Variants in MME observed in about 807,000 individuals in gnomAD.
The protein encoded by MME is neprilysin.
In MME, 98 loss-of-function variants were observed where a neutral mutation model predicts 113.2. That is an observed-to-expected ratio of 0.87 (90% confidence interval 0.74 to 1.02). The LOEUF is 1.02. MME is among the 50% of genes least tolerant of loss of function. The pLI is 0.00. For synonymous variants in MME, 292 were observed against 300.6 expected, an observed-to-expected ratio of 0.97 and a Z score of 0.30; for missense variants, 836 against 896.0, an observed-to-expected ratio of 0.93 and a Z score of 0.86.
rs61760406 is a variant in MME at position 155,172,133 on chromosome 3, T to C, written c.1997T>C (p.Ile666Thr). 6.2e-7 allele frequency: 1 copy of C among 1,603,518 alleles called. No individual in the cohort carries two copies. Among genetic ancestry groups the C allele is most frequent in the Non-Finnish European group, 8.5e-7 (1 of 1,170,738 alleles). The change falls in exon 21 of 23, where the codon ATT becomes ACT. Residue 666 changes from isoleucine (I) to threonine (T), a missense_variant. By Grantham distance (89) the Ile-to-Thr change is moderately conservative. Coordinates refer to ENST00000360490, the MANE Select transcript of MME (RefSeq NM_007289.4). ...GQAYRAYQNY[I>T]KKNGEEKLLP... ...ACTGCCTAGGCCTATCAGAATTATA[T>C]TAAAAAGAATGGCGAAGAAAAATTA...
At chr3:155,085,932 T>C (rs1473812900) in intron 3 of MME, among the ~76,000 whole-genome samples, 1 of 152,124 alleles carries the variant, frequency 6.6e-6, no homozygotes, top group African/African-American at 2.4e-5. Context: ...TATTGAGAAG[T>C]AGTAAAAGTG....
intron 1 of MME, among the ~76,000 whole-genome samples, chr3:155,049,625 GTATATCTA>G (rs1713685150): frequency 1.5e-5 from 2 of 134,874 alleles, no homozygotes; most frequent in South Asian, 2.5e-4. Context: ...TATCATCTTA[GTATATCTA>G]TCTATCTATC....
chr3:155,122,347 G>A (rs1719225926), intron 8 of MME, among the ~76,000 whole-genome samples: 1 of 145,768 alleles, frequency 6.9e-6, no homozygotes. Flanking sequence ...TATCAATTTT[G>A]TTGATCCTTT....
intron 10 of MME, among the ~76,000 whole-genome samples, chr3:155,141,137 G>A (rs928652111): frequency 6.4e-4 from 97 of 152,256 alleles, no homozygotes; most frequent in East Asian, 2.3e-3. Context: ...CACATTCAGC[G>A]ATGACATTCT....
At chr3:155,100,189 T>G (rs1389787936) in intron 3 of MME, among the ~76,000 whole-genome samples, 1 of 151,788 alleles carries the variant, frequency 6.6e-6, no homozygotes, top group Non-Finnish European at 1.5e-5. Context: ...TACAAAGAAC[T>G]CCAACAAATT....
At chr3:155,057,523 T>C (rs561628118) in intron 1 of MME, among the ~76,000 whole-genome samples, 133 of 152,078 alleles carry the variant, frequency 8.7e-4, no homozygotes, top group Middle Eastern at 3.4e-3. Flanking sequence ...TCAATTGGTT[T>C]AGATGATTGT....
chr3:155,140,759 AG>A (rs1721015476), intron 10 of MME, among the ~76,000 whole-genome samples: 1 of 152,132 alleles, frequency 6.6e-6, no homozygotes, highest in Admixed American at 6.6e-5. Context: ...TCCCATAGGA[AG>A]GGGTTTGAAA....
intron 4 of MME, 142 bp from the exon 5 acceptor site, chr3:155,116,337 A>G: frequency 1.5e-6 from 1 of 672,222 alleles, no homozygotes; most frequent in Non-Finnish European, 2.7e-6. Flanking sequence ...GGGGGGAGGA[A>G]ATGAATGTAC....
chr3:155,169,982 A>T (rs1247203777), intron 20 of MME, among the ~76,000 whole-genome samples: 1 of 152,158 alleles, frequency 6.6e-6, no homozygotes, highest in African/African-American at 2.4e-5. Flanking sequence ...AGTTCCAGGG[A>T]CATGGGAGAT....
intron 18 of MME, among the ~76,000 whole-genome samples, chr3:155,167,574 C>T (rs192127091): frequency 4.6e-5 from 7 of 151,776 alleles, no homozygotes; most frequent in African/African-American, 1.7e-4. Flanking sequence ...GGAATAAAGA[C>T]GTGAAATATG....
At chr3:155,081,098 T>A (rs1246754375) in intron 1 of MME, 1 of 152,222 alleles carries the variant, frequency 6.6e-6, no homozygotes, top group African/African-American at 2.4e-5. Context: ...TGTCCTCAGC[T>A]TCTGCAGACA....
upstream of MME, among the ~76,000 whole-genome samples, chr3:155,075,073 A>G (rs1714702303): frequency 6.7e-6 from 1 of 149,766 alleles, no homozygotes; most frequent in African/African-American, 2.5e-5. Flanking sequence ...ACCCATTAAC[A>G]TGGGTGATTT....
In MME at chr3:155,172,172, A is replaced by G. The variant is rs752230705; in HGVS notation, c.2036A>G (p.Asp679Gly). 1 of 1,612,066 alleles carries G rather than the reference A, an allele frequency of 6.2e-7. No individual in the cohort carries two copies. The highest frequency in any genetic ancestry group is 1.1e-5 in the South Asian group (1 of 91,032). ...NGEEKLLPGL[D>G]LNHKQLFFLN... Reference sequence around the variant, plus strand: ...GAAGAAAAATTACTTCCTGGACTTGACCTAAATCACAAACAACTATTTTTC... The same window carrying G: ...GAAGAAAAATTACTTCCTGGACTTGGCCTAAATCACAAACAACTATTTTTC... Residue 679 changes from aspartate to glycine, a missense_variant, in exon 21 of 23, where the codon GAC (aspartate) becomes GGC (glycine). Transcript: ENST00000360490.
chr3:155,171,912 T>C (rs1712014249), intron 20 of MME, among the ~76,000 whole-genome samples: 1 of 152,210 alleles, frequency 6.6e-6, no homozygotes, highest in African/African-American at 2.4e-5. Context: ...TACTATTCAG[T>C]AGCTTCTTCT....
chr3:155,176,231 A>G (rs1191979996), intron 22 of MME, among the ~76,000 whole-genome samples: 1 of 152,216 alleles, frequency 6.6e-6, no homozygotes, highest in East Asian at 1.9e-4. Flanking sequence ...TATAAAGTCC[A>G]TTCTTGGTCC....
chr3:155,025,802 C>G (rs1453906883), intron 1 of MME, among the ~76,000 whole-genome samples: 1 of 145,000 alleles, frequency 6.9e-6, no homozygotes, highest in African/African-American at 2.5e-5. Flanking sequence ...AAGCAATTCT[C>G]TCCTGCCTCA....
At chr3:155,061,895 A>C (rs1345482140) in intron 1 of MME, among the ~76,000 whole-genome samples, 1 of 152,122 alleles carries the variant, frequency 6.6e-6, no homozygotes, top group Non-Finnish European at 1.5e-5. Context: ...TCCTGGCCTC[A>C]AGTGATCTGT....
intron 16 of MME, among the ~76,000 whole-genome samples, chr3:155,154,635 G>A (rs747011100): frequency 1.3e-5 from 2 of 152,132 alleles, no homozygotes; most frequent in East Asian, 1.9e-4. Context: ...GAAGTACCTC[G>A]CTTCTTTCTA....
At position 155,140,316 on chromosome 3, in the gene MME, C is replaced by A; in HGVS notation, c.957+24C>A. 2.1e-6 allele frequency: 3 copies of A among 1,435,022 alleles called. No homozygotes were observed. The South Asian group carries it at 3.4e-5, about 16-fold the overall frequency. 88.9% of individuals were successfully genotyped at this position (1,435,022 alleles called of 1,614,324 possible). On this transcript the variant is annotated intron_variant, in intron 10 of 22. Coordinates refer to ENST00000360490, the MANE Select transcript of MME (RefSeq NM_007289.4). ...AGGTAAGTGGTAAGTTTTTTGTGCTCTCTTATTGTGCCGTTTTCTAAATTA... is the reference window on the plus strand; with the variant it reads ...AGGTAAGTGGTAAGTTTTTTGTGCTATCTTATTGTGCCGTTTTCTAAATTA...
Sources: allele counts gnomAD v4.1 joint callset (sites outside exome capture counted in the v4.1 genomes callset), GRCh38; gene constraint gnomAD v4.1.1; transcripts MANE v1.5; gene names NCBI Gene and HGNC (gene_info 2026-07-23, HGNC 2026-07-21).